MYO3B: variants seen among roughly 807,000 people sequenced by gnomAD.
MYO3B encodes myosin IIIB.
In MYO3B, 156 loss-of-function variants were observed where a neutral mutation model predicts 174.6. The observed-to-expected ratio is 0.89, with a 90% CI of 0.78 to 1.02. The LOEUF is 1.02. MYO3B is among the 50% of genes least tolerant of loss of function. The pLI is 0.00. For synonymous variants in MYO3B, 563 were observed against 569.1 expected (o/e 0.99, Z 0.15); for missense variants, 1,632 against 1,639.4 (o/e 1.00, Z 0.08).
intron 7 of MYO3B, among the ~76,000 whole-genome samples, chr2:170,278,578 C>T (rs13419871): frequency 0.06 from 9,147 of 152,020 alleles, 431 homozygotes; most frequent in African/African-American, 0.12. Flanking sequence ...AGGATATCTG[C>T]CCTCATGTGC....
At chr2:170,187,999 G>A (rs1246618048) in intron 1 of MYO3B, among the ~76,000 whole-genome samples, 1 of 152,120 alleles carries the variant, frequency 6.6e-6, no homozygotes, top group African/African-American at 2.4e-5. Flanking sequence ...CTGTAATGCA[G>A]ATAAAGTCCA....
rs1575356911 is a variant in MYO3B at position 170,654,471 on chromosome 2, A to G, written c.*1350A>G. The G allele has an allele frequency of 6.6e-6, 1 of 151,912 alleles. No individual in the cohort carries two copies. The highest frequency in any genetic ancestry group is 2.4e-5 in the African/African-American group (1 of 41,326). 9.4% of individuals were successfully genotyped at this position (151,912 alleles called of 1,614,324 possible). ...ACCAACATGGTGAAACCCCGTCTCT[A>G]CTAAAAAAAATAATGATAATACAAA... On this transcript the variant is annotated 3_prime_UTR_variant, in exon 35 of 35. Coordinates refer to ENST00000408978, the MANE Select transcript of MYO3B (RefSeq NM_138995.5).
chr2:170,547,522 G>T (rs1050599096), intron 32 of MYO3B, among the ~76,000 whole-genome samples: 2 of 152,050 alleles, frequency 1.3e-5, no homozygotes, highest in African/African-American at 4.8e-5. Flanking sequence ...AATGCAAATG[G>T]TTATACTTTA....
At chr2:170,334,876 A>G (rs1439109607) in intron 7 of MYO3B, 24 of 152,614 alleles carry the variant, frequency 1.6e-4, no homozygotes, top group Admixed American at 1.6e-3. Flanking sequence ...GACTTTCTCC[A>G]GTGCTTATTG....
intron 9 of MYO3B, among the ~76,000 whole-genome samples, chr2:170,374,319 G>T (rs1017454266): frequency 6.6e-6 from 1 of 152,134 alleles, no homozygotes; most frequent in Non-Finnish European, 1.5e-5. Context: ...TGACTTTGAG[G>T]CTGATCTAGT....
intron 30 of MYO3B, among the ~76,000 whole-genome samples, chr2:170,537,372 C>T (rs1262608210): frequency 6.8e-6 from 1 of 147,778 alleles, no homozygotes; most frequent in Non-Finnish European, 1.5e-5. Context: ...CTGGTCTGAT[C>T]ATATCGTCTG....
At position 170,206,897 on chromosome 2, in the gene MYO3B, C is replaced by T. The variant is rs190995257; in HGVS notation, c.321+6613C>T. Among the ~76,000 whole-genome samples the T allele has an allele frequency of 2.6e-5, 4 of 152,284 alleles. No homozygotes were observed. Among genetic ancestry groups the T allele is most frequent in the Non-Finnish European group, 2.9e-5 (2 of 68,026 alleles). ...TGATGTTCCTGGTCTCTGACACTCC[C>T]TCCTATCATGAGGTCCTCATGTCCT... On this transcript the variant is annotated intron_variant, in intron 3 of 34. Coordinates refer to ENST00000408978, the MANE Select transcript of MYO3B (RefSeq NM_138995.5). The surrounding 1 kb of genome is among the most constrained non-coding windows in gnomAD (Gnocchi z 4.3).
At position 170,519,539 on chromosome 2, in the gene MYO3B, G is replaced by A. The variant is rs1688531806; in HGVS notation, c.3574G>A (p.Gly1192Arg). 1 of 1,613,172 alleles carries A rather than the reference G, an allele frequency of 6.2e-7. No homozygotes were observed. The highest frequency in any genetic ancestry group is 8.5e-7 in the Non-Finnish European group (1 of 1,179,276). ...CTCTCCTGCTGTCACAGAGAAAAATGGGTGAGCATTATCTGCTAAGAGTTC... is the reference window on the plus strand; with the variant it reads ...CTCTCCTGCTGTCACAGAGAAAAATAGGTGAGCATTATCTGCTAAGAGTTC... ...SNSPAVTEKN[G>R]HSQAQSSPKG... The change falls in exon 30 of 35, where the codon GGG becomes AGG. Residue 1192 changes from glycine (G) to arginine (R), a missense_variant and splice_region_variant. Gly to Arg is a moderately radical substitution (Grantham distance 125). Transcript: ENST00000408978.
intron 8 of MYO3B, chr2:170,346,449 C>T (rs571616616): frequency 1.2e-4 from 19 of 152,086 alleles, no homozygotes; most frequent in African/African-American, 4.6e-4. Flanking sequence ...AATATGACAC[C>T]ATAAAACAAT....
chr2:170,365,843 T>A (rs10185417), intron 8 of MYO3B, among the ~76,000 whole-genome samples: 9 of 151,928 alleles, frequency 5.9e-5, no homozygotes, highest in Non-Finnish European at 1.3e-4. Flanking sequence ...CTGAGGATGA[T>A]CCTGTATGGC....
chr2:170,646,203 G>A (rs577928495), intron 32 of MYO3B, among the ~76,000 whole-genome samples: 4 of 151,726 alleles, frequency 2.6e-5, no homozygotes, highest in East Asian at 2.0e-4. Context: ...CCTGGGAGGC[G>A]GAGGTTGCGG....
chr2:170,397,231 T>A (rs1311670356), intron 16 of MYO3B, among the ~76,000 whole-genome samples: 1 of 152,228 alleles, frequency 6.6e-6, no homozygotes, highest in Non-Finnish European at 1.5e-5. Context: ...TCTTCATTTG[T>A]CTTTGTAGCA....
chr2:170,200,430 TCTC>T, intron 3 of MYO3B, 146 bp downstream of exon 3: 1 of 814,760 alleles, frequency 1.2e-6, no homozygotes, highest in Non-Finnish European at 1.8e-6. Context: ...GATGTGACAT[TCTC>T]CTCCACAGTT....
intron 7 of MYO3B, among the ~76,000 whole-genome samples, chr2:170,303,143 G>A (rs2093677113): frequency 1.3e-5 from 2 of 151,990 alleles, no homozygotes; most frequent in African/African-American, 2.4e-5. Context: ...TGTTGTAAAT[G>A]TTCCAACTAT....
At chr2:170,392,122 CAA>C (rs35100967) in intron 15 of MYO3B, among the ~76,000 whole-genome samples, 2,597 of 106,550 alleles carry the variant, frequency 0.024, 48 homozygotes, top group African/African-American at 0.066. Flanking sequence ...GACCCTGTCT[CAA>C]AAAAAAAAAA....
intron 7 of MYO3B, among the ~76,000 whole-genome samples, chr2:170,295,842 G>A (rs1255014961): frequency 6.6e-6 from 1 of 152,078 alleles, no homozygotes; most frequent in African/African-American, 2.4e-5. Context: ...AGAATTCCAT[G>A]TTGAGAATTA....
intron 7 of MYO3B, among the ~76,000 whole-genome samples, chr2:170,307,242 C>CAAAAAA (rs10718469): frequency 1.7e-5 from 1 of 57,652 alleles, no homozygotes; most frequent in Non-Finnish European, 3.4e-5. Context: ...GGCCTTATCT[C>CAAAAAA]AAAAAAAAAA....
chr2:170,404,353 T>C lies in MYO3B; in HGVS notation c.2384T>C (p.Leu795Ser). 1 of 1,613,816 alleles carries C rather than the reference T, an allele frequency of 6.2e-7. No homozygotes were observed. The highest frequency in any genetic ancestry group is 8.5e-7 in the Non-Finnish European group (1 of 1,179,876). Reference sequence around the variant, plus strand: ...AAACCCCTGGGACTGCTTGCACTTTTGGATGAGGAAAGTCGGTTTCCCCAA... The same window carrying C: ...AAACCCCTGGGACTGCTTGCACTTTCGGATGAGGAAAGTCGGTTTCCCCAA... ...LQKPLGLLAL[L>S]DEESRFPQAT... Residue 795 changes from leucine to serine, a missense_variant, in exon 20 of 35, where the codon TTG becomes TCG. Leu to Ser is a moderately radical substitution (Grantham distance 145). Coordinates refer to ENST00000408978, the MANE Select transcript of MYO3B (RefSeq NM_138995.5).
chr2:170,406,714 T>G (rs1249715964), intron 21 of MYO3B, among the ~76,000 whole-genome samples: 1 of 152,144 alleles, frequency 6.6e-6, no homozygotes, highest in Non-Finnish European at 1.5e-5. Context: ...TTCTTGATTT[T>G]AGGGGAAAAA....
Sources: allele counts gnomAD v4.1 joint callset (sites outside exome capture counted in the v4.1 genomes callset), GRCh38; gene constraint gnomAD v4.1.1; non-coding constraint Gnocchi (gnomAD v3.1); transcripts MANE v1.5; gene names NCBI Gene and HGNC (gene_info 2026-07-23, HGNC 2026-07-21).